DGKI: variants seen among roughly 807,000 people sequenced by gnomAD.
The protein encoded by DGKI is DAG kinase iota.
A neutral mutation model predicts 147.5 loss-of-function variants in DGKI; 55 were observed. That is an observed-to-expected ratio of 0.37 (90% confidence interval 0.30 to 0.47). The LOEUF is 0.47. DGKI is among the 20% of genes least tolerant of loss of function. The pLI is 1.00. For missense variants in DGKI, 1,007 were observed against 1,323.8 expected (o/e 0.76, Z 3.71); for synonymous variants, 469 against 477.1 (o/e 0.98, Z 0.22).
chr7:137,694,072 A>G (rs916819255), intron 1 of DGKI, among the ~76,000 whole-genome samples: 1 of 152,220 alleles, frequency 6.6e-6, no homozygotes, highest in Non-Finnish European at 1.5e-5. Flanking sequence ...CTGTAATCCC[A>G]GCACTTTGGG....
intron 1 of DGKI, among the ~76,000 whole-genome samples, chr7:137,742,449 T>G (rs1343454338): frequency 1.3e-5 from 2 of 152,206 alleles, no homozygotes; most frequent in Non-Finnish European, 2.9e-5. Flanking sequence ...GAAGTGCCAG[T>G]GATCTAGCCT....
intron 1 of DGKI, among the ~76,000 whole-genome samples, chr7:137,822,452 T>C (rs1234365894): frequency 6.6e-6 from 1 of 152,024 alleles, no homozygotes; most frequent in Non-Finnish European, 1.5e-5. Flanking sequence ...AGAAAAAAGA[T>C]AGATGTAGAA....
intron 6 of DGKI, among the ~76,000 whole-genome samples, chr7:137,634,185 T>G (rs1405025385): frequency 6.6e-6 from 1 of 152,208 alleles, no homozygotes; most frequent in East Asian, 1.9e-4. Context: ...AGGCAGCACA[T>G]TCTACATTTA....
chr7:137,397,252 G>T, intron 31 of DGKI, 125 bp downstream of exon 31: 1 of 883,134 alleles, frequency 1.1e-6, no homozygotes, highest in Non-Finnish European at 1.7e-6. Flanking sequence ...TATGAACAAA[G>T]TTGAAAGTGG....
chr7:137,548,954 CT>C (rs1563079629), intron 20 of DGKI, among the ~76,000 whole-genome samples: 1 of 152,166 alleles, frequency 6.6e-6, no homozygotes, highest in Non-Finnish European at 1.5e-5. Context: ...AAGTGAGCCT[CT>C]GTCTCAATAA....
intron 23 of DGKI, among the ~76,000 whole-genome samples, chr7:137,482,485 T>C (rs1413058112): frequency 3.3e-5 from 5 of 151,890 alleles, no homozygotes; most frequent in Non-Finnish European, 5.9e-5. Flanking sequence ...CCAAAATTTC[T>C]ATCTCTGGGC....
rs140969745 is a variant in DGKI, at chr7:137,588,667, G to A, written c.1312-1457C>T. Among the ~76,000 whole-genome samples the A allele has an allele frequency of 9.5e-3, 1,439 of 151,860 alleles. 12 individuals are homozygous for A. Among genetic ancestry groups the A allele is most frequent in the Middle Eastern group, 0.024 (7 of 294 alleles). On this transcript the variant is annotated intron_variant, in intron 12 of 32. Coordinates refer to ENST00000614521, the MANE Select transcript of DGKI (RefSeq NM_001321708.2). Reference sequence around the variant, plus strand: ...AATTTTTTGTATTTTTAGTAGAGACGGGGTTTCACCGTGTTAGCCAGGATG... The same window carrying A: ...AATTTTTTGTATTTTTAGTAGAGACAGGGTTTCACCGTGTTAGCCAGGATG...
At position 137,759,780 on chromosome 7, in the gene DGKI, A is replaced by G. The variant is rs145795486; in HGVS notation, c.402-69778T>C. Among the ~76,000 whole-genome samples the G allele has an allele frequency of 8.0e-3, 1,214 of 152,224 alleles. 18 individuals are homozygous for G. Among genetic ancestry groups the G allele is most frequent in the African/African-American group, 0.027 (1,128 of 41,506 alleles). On this transcript the variant is annotated intron_variant, in intron 1 of 32. Coordinates refer to ENST00000614521, the MANE Select transcript of DGKI (RefSeq NM_001321708.2). ...GAAGAGTTTACACCAAGATGAACTC[A>G]TTCTCCCTTTCTTTCTCTGTTTCTC...
intron 1 of DGKI, among the ~76,000 whole-genome samples, chr7:137,809,366 A>G (rs535177153): frequency 6.6e-6 from 1 of 152,316 alleles, no homozygotes; most frequent in South Asian, 2.1e-4. Context: ...CCTGATCTGA[A>G]GCAATGACAG....
rs181295550 is a variant in DGKI at position 137,461,711 on chromosome 7, T to A, written c.2735+1778A>T. ...GAGAAGCTGAAAGGCTGGGGATGAA[T>A]GTTTGAATGCCACTTTGCTTGTTTT... On this transcript the variant is annotated intron_variant, in intron 27 of 32. Transcript: ENST00000614521. Among the ~76,000 whole-genome samples, 5 of 152,276 alleles carry A rather than the reference T, an allele frequency of 3.3e-5. No individual in the cohort carries two copies. In the East Asian group the frequency reaches 9.7e-4, roughly 29 times the overall value.
intron 15 of DGKI, among the ~76,000 whole-genome samples, chr7:137,581,057 G>C (rs1304596666): frequency 6.6e-6 from 1 of 152,042 alleles, no homozygotes; most frequent in Non-Finnish European, 1.5e-5. Flanking sequence ...GAATGAGACA[G>C]AAAGAGAGAG....
chr7:137,514,016 T>G, intron 21 of DGKI: 4 of 640,038 alleles, frequency 6.2e-6, no homozygotes, highest in Non-Finnish European at 1.2e-5. Flanking sequence ...GTACAAGTTG[T>G]GGGACTGCAT....
chr7:137,809,855 G>GATC (rs1797505172), intron 1 of DGKI, among the ~76,000 whole-genome samples: 1 of 151,896 alleles, frequency 6.6e-6, no homozygotes, highest in Non-Finnish European at 1.5e-5. Context: ...AGTGAGCCAT[G>GATC]ATCGCACCAC....
chr7:137,839,732 G>A (rs1394384861), intron 1 of DGKI, among the ~76,000 whole-genome samples: 1 of 152,250 alleles, frequency 6.6e-6, no homozygotes, highest in Non-Finnish European at 1.5e-5. Context: ...TTACTGTTTC[G>A]AATGTTGTTC....
intron 29 of DGKI, among the ~76,000 whole-genome samples, chr7:137,409,448 A>T (rs2128899787): frequency 6.6e-6 from 1 of 152,272 alleles, no homozygotes; most frequent in East Asian, 1.9e-4. Flanking sequence ...TCAGAGAAGC[A>T]CTAGGGAAGC....
At chr7:137,484,834 T>G (rs994282515) in intron 23 of DGKI, among the ~76,000 whole-genome samples, 3 of 152,064 alleles carry the variant, frequency 2.0e-5, no homozygotes, top group African/African-American at 4.8e-5. Context: ...ATTTTAAAAC[T>G]GTTGCTTGAT....
intron 1 of DGKI, among the ~76,000 whole-genome samples, chr7:137,777,992 T>C (rs1404328017): frequency 6.6e-6 from 1 of 152,212 alleles, no homozygotes; most frequent in African/African-American, 2.4e-5. Flanking sequence ...TACTAGGCGA[T>C]TGGCAATCAC....
intron 26 of DGKI, 68 bp downstream of exon 26, chr7:137,465,840 T>G: frequency 2.6e-6 from 4 of 1,557,084 alleles, no homozygotes; most frequent in African/African-American, 1.4e-5. Flanking sequence ...CGATGTCAAG[T>G]TCAAAGGCGA....
intron 19 of DGKI, among the ~76,000 whole-genome samples, chr7:137,558,871 A>G (rs1034790230): frequency 2.1e-5 from 2 of 97,474 alleles, no homozygotes; most frequent in African/African-American, 1.2e-4. Flanking sequence ...TTAAAGCTCC[A>G]TGGTAAAACA....
Sources: allele counts gnomAD v4.1 joint callset (sites outside exome capture counted in the v4.1 genomes callset), GRCh38; gene constraint gnomAD v4.1.1; transcripts MANE v1.5; gene names NCBI Gene and HGNC (gene_info 2026-07-23, HGNC 2026-07-21).